Variants in CSMD1 observed in about 807,000 individuals in gnomAD.
CSMD1 encodes the protein CUB and Sushi multiple domains 1, also known as CUB and sushi domain-containing protein 1.
A neutral mutation model predicts 417.5 loss-of-function variants in CSMD1; 213 were observed. The observed-to-expected ratio is 0.51, with a 90% CI of 0.46 to 0.57. The LOEUF is 0.57. Ranked by LOEUF, CSMD1 falls within the 20% of genes least tolerant of loss-of-function variation. The pLI is 0.00. For missense variants in CSMD1, 6,923 were observed against 4,529.7 expected (o/e 1.53, Z -15.17); for synonymous variants, 2,862 against 1,736.8 (o/e 1.65, Z -16.11).
At chr8:3,250,387 C>G (rs947193010) in intron 26 of CSMD1, among the ~76,000 whole-genome samples, 1 of 152,214 alleles carries the variant, frequency 6.6e-6, no homozygotes, top group Non-Finnish European at 1.5e-5. Flanking sequence ...AGGACATGAA[C>G]TCATTATTTT....
intron 5 of CSMD1, among the ~76,000 whole-genome samples, chr8:3,989,186 C>G (rs549583922): frequency 1.9e-4 from 29 of 152,276 alleles, no homozygotes; most frequent in African/African-American, 6.5e-4. Flanking sequence ...CTCTAGTTAG[C>G]AGCTCTCTCA....
intron 26 of CSMD1, among the ~76,000 whole-genome samples, chr8:3,271,633 A>T (rs1801862769): frequency 6.6e-6 from 1 of 152,174 alleles, no homozygotes; most frequent in South Asian, 2.1e-4. Flanking sequence ...AACTGGTGTG[A>T]GATGGTATCT....
At chr8:3,997,369 G>A (rs959171478) in intron 5 of CSMD1, among the ~76,000 whole-genome samples, 16 of 151,994 alleles carry the variant, frequency 1.1e-4, no homozygotes, top group Admixed American at 7.9e-4. Context: ...ACCACCCTGC[G>A]GTTAATTTTA....
intron 7 of CSMD1, among the ~76,000 whole-genome samples, chr8:3,632,845 T>C (rs1384483087): frequency 1.3e-5 from 2 of 152,222 alleles, no homozygotes; most frequent in Non-Finnish European, 2.9e-5. Flanking sequence ...TCAGAGATTA[T>C]GTTCCTGGTT....
intron 2 of CSMD1, among the ~76,000 whole-genome samples, chr8:4,608,416 C>G (rs1800995990): frequency 6.6e-6 from 1 of 152,150 alleles, no homozygotes; most frequent in South Asian, 2.1e-4. Context: ...CTCAATCTAT[C>G]TTGAAAGTGG....
chr8:3,206,670 C>CTG (rs1375235026), intron 30 of CSMD1, among the ~76,000 whole-genome samples: 4 of 83,974 alleles, frequency 4.8e-5, no homozygotes, highest in East Asian at 3.3e-4. Flanking sequence ...GGGGGTATGT[C>CTG]TGTGTGTGTG....
chr8:4,417,814 G>C (rs899459344), intron 3 of CSMD1, among the ~76,000 whole-genome samples: 1 of 151,730 alleles, frequency 6.6e-6, no homozygotes, highest in South Asian at 2.1e-4. Context: ...GTACAAATTG[G>C]TGTATTTGCT....
intron 1 of CSMD1, among the ~76,000 whole-genome samples, chr8:4,841,923 A>AC (rs1563561083): frequency 2.8e-5 from 4 of 144,046 alleles, no homozygotes; most frequent in African/African-American, 1.0e-4. Flanking sequence ...AAAAAAAAAA[A>AC]AAAAAAAAAA....
chr8:3,245,445 G>A (rs557063568), intron 26 of CSMD1, among the ~76,000 whole-genome samples: 34 of 152,284 alleles, frequency 2.2e-4, no homozygotes, highest in Admixed American at 1.3e-3. Context: ...CCTACAACTG[G>A]AAGTACTTTC....
intron 3 of CSMD1, among the ~76,000 whole-genome samples, chr8:4,160,559 C>G (rs1400322431): frequency 6.6e-6 from 1 of 152,190 alleles, no homozygotes; most frequent in Admixed American, 6.5e-5. Flanking sequence ...ATTTAAATAT[C>G]CACGTTTCTC....
At chr8:3,811,594 C>A (rs897012823) in intron 5 of CSMD1, among the ~76,000 whole-genome samples, 5 of 152,114 alleles carry the variant, frequency 3.3e-5, no homozygotes, top group African/African-American at 9.7e-5. Context: ...ATGGGACAAC[C>A]ACAGGCACAC....
intron 3 of CSMD1, among the ~76,000 whole-genome samples, chr8:4,198,465 G>GGGATGAGAAAGAAATCACTAGA: frequency 1.3e-5 from 2 of 152,162 alleles, no homozygotes; most frequent in Non-Finnish European, 2.9e-5. Flanking sequence ...ATGGATTTGG[G>GGGATGAGAAAGAAATCACTAGA]GGATGAGAAA....
rs35237554 is a variant in CSMD1 at position 4,356,063 on chromosome 8, G to A, written c.415+63890C>T. Among the ~76,000 whole-genome samples, 795 of 152,272 alleles carry A rather than the reference G, an allele frequency of 5.2e-3. 2 individuals are homozygous for A. The highest frequency in any genetic ancestry group is 8.5e-3 in the Non-Finnish European group (577 of 68,010). On this transcript the variant is annotated intron_variant, in intron 3 of 69. Transcript: ENST00000635120. ...TCCTGGTGCACTCATCACCTGAGCA[G>A]TGTACACTGCACCATATATGTTGTC...
chr8:4,585,593 A>G (rs574959581), intron 2 of CSMD1, among the ~76,000 whole-genome samples: 12 of 152,312 alleles, frequency 7.9e-5, no homozygotes, highest in Non-Finnish European at 1.6e-4. Context: ...GAAAGAAACC[A>G]AATTACAAAG....
chr8:4,994,468 C>T lies in CSMD1; in HGVS notation c.-52G>A, dbSNP rs1563952594. On this transcript the variant is annotated 5_prime_UTR_variant, in exon 1 of 70. Transcript: ENST00000635120. The stretch of plus-strand genomic sequence containing the variant: ...ACACCGATGGCTCCTCCGAGGAAGG[C>T]AGGGCTATGAGCGGAGCCAAATAAT... 2.6e-6 allele frequency: 4 copies of T among 1,525,210 alleles called. No individual in the cohort carries two copies. The highest frequency in any genetic ancestry group is 2.7e-5 in the African/African-American group (2 of 73,242). 94.5% of individuals were successfully genotyped at this position (1,525,210 alleles called of 1,614,324 possible).
At chr8:4,593,876 G>C (rs757699367) in intron 2 of CSMD1, among the ~76,000 whole-genome samples, 1 of 152,138 alleles carries the variant, frequency 6.6e-6, no homozygotes, top group Non-Finnish European at 1.5e-5. Flanking sequence ...AAACAGACCA[G>C]CTTAAAGCAA....
chr8:3,276,119 A>G (rs149083380), intron 26 of CSMD1, among the ~76,000 whole-genome samples: 1 of 151,788 alleles, frequency 6.6e-6, no homozygotes, highest in African/African-American at 2.4e-5. Context: ...TGTGGATGTC[A>G]TTTCTGTTTG....
At chr8:4,303,398 C>G (rs1022558488) in intron 3 of CSMD1, among the ~76,000 whole-genome samples, 1 of 129,668 alleles carries the variant, frequency 7.7e-6, no homozygotes, top group Non-Finnish European at 1.6e-5. Flanking sequence ...TTCATTGTCT[C>G]ATTTATATAT....
chr8:4,772,225 G>A (rs1253452783), intron 1 of CSMD1, among the ~76,000 whole-genome samples: 1 of 152,124 alleles, frequency 6.6e-6, no homozygotes, highest in East Asian at 1.9e-4. Flanking sequence ...GCAGCAGCCT[G>A]GGCTCCTCAA....
Sources: allele counts gnomAD v4.1 joint callset (sites outside exome capture counted in the v4.1 genomes callset), GRCh38; gene constraint gnomAD v4.1.1; transcripts MANE v1.5; gene names NCBI Gene and HGNC (gene_info 2026-07-23, HGNC 2026-07-21).